Variants in SLC24A4 observed in about 807,000 individuals in gnomAD.
SLC24A4 encodes the protein solute carrier family 24 member 4.
In SLC24A4, 53 loss-of-function variants were observed where a neutral mutation model predicts 79.0. That is an observed-to-expected ratio of 0.67 (90% CI 0.54 to 0.84). SLC24A4 has a LOEUF of 0.84. Among genes scored for constraint, SLC24A4 ranks in the 40% least tolerant of loss-of-function variants. SLC24A4 has a pLI of 0.00. For synonymous variants in SLC24A4, 323 were observed against 323.8 expected (o/e 1.00, Z 0.03); for missense variants, 731 against 822.0 (o/e 0.89, Z 1.35).
intron 2 of SLC24A4, among the ~76,000 whole-genome samples, chr14:92,342,020 G>A (rs776714708): frequency 2.6e-5 from 4 of 152,196 alleles, no homozygotes; most frequent in Non-Finnish European, 4.4e-5. Flanking sequence ...CATATGTGTA[G>A]GAGGAAGAAA....
chr14:92,371,698 C>T (rs923390618), intron 2 of SLC24A4, among the ~76,000 whole-genome samples: 10 of 152,220 alleles, frequency 6.6e-5, no homozygotes, highest in Non-Finnish European at 7.3e-5. Context: ...TAACCTCACC[C>T]GTTGTGTGTC....
intron 4 of SLC24A4, among the ~76,000 whole-genome samples, chr14:92,440,639 T>C (rs1892439862): frequency 1.3e-5 from 2 of 151,876 alleles, no homozygotes; most frequent in African/African-American, 4.8e-5. Context: ...CCCCGTAGGG[T>C]TACCTGTATC....
At chr14:92,449,668 G>A (rs1044628664) in intron 10 of SLC24A4, among the ~76,000 whole-genome samples, 2 of 152,208 alleles carry the variant, frequency 1.3e-5, no homozygotes, top group Admixed American at 1.3e-4. Context: ...GAACGGCTCT[G>A]GACAAAGCAT....
In SLC24A4 at chr14:92,398,684, G is replaced by A. The variant is rs546106609; in HGVS notation, c.242-35228G>A. 2.6e-4 allele frequency among the ~76,000 whole-genome samples: 40 copies of A among 152,304 alleles called. No homozygotes were observed. The highest frequency in any genetic ancestry group is 3.9e-4 in the Admixed American group (6 of 15,296). On this transcript the variant is annotated intron_variant, in intron 2 of 16. Transcript: ENST00000532405. This position sits in a 1 kb window ranked among gnomAD's most constrained non-coding sequence, Gnocchi z 4.1. ...ACCCCTTCCTCGTGTTAGCCAAAGC[G>A]AGAAGGGGGGTTACTGTAGTTGCTT...
rs546830587 is a variant in SLC24A4 at position 92,497,308 on chromosome 14, C to T, written c.*3680C>T. Reference sequence around the variant, plus strand: ...CCTGGGCGGCCCAAGGTCCAGGTTTCTTCCACCTGCTCTTCCCTGTTTATG... The same window carrying T: ...CCTGGGCGGCCCAAGGTCCAGGTTTTTTCCACCTGCTCTTCCCTGTTTATG... On this transcript the variant is annotated 3_prime_UTR_variant, in exon 17 of 17. Transcript: ENST00000532405. The T allele has an allele frequency of 3.9e-5, 6 of 152,438 alleles. No homozygotes were observed. The South Asian group carries it at 1.2e-3, about 32-fold the overall frequency. The allele number at this position is 152,438 out of a possible 1,614,324, so 9.4% of individuals were successfully genotyped here.
chr14:92,384,313 T>C (rs1889024482), intron 2 of SLC24A4, among the ~76,000 whole-genome samples: 1 of 152,140 alleles, frequency 6.6e-6, no homozygotes, highest in Admixed American at 6.5e-5. Context: ...TGATCAAGAC[T>C]GAAGGGGAGG....
intron 11 of SLC24A4, among the ~76,000 whole-genome samples, chr14:92,455,859 G>C (rs11624023): frequency 0.39 from 58,945 of 151,762 alleles, 11,654 homozygotes; most frequent in Middle Eastern, 0.46. Flanking sequence ...TACCACCACG[G>C]CTGGCTAGTT....
At chr14:92,458,780 G>T (rs1443039963) in intron 12 of SLC24A4, among the ~76,000 whole-genome samples, 2 of 152,194 alleles carry the variant, frequency 1.3e-5, no homozygotes, top group Non-Finnish European at 2.9e-5. Context: ...CTGTGTCCAC[G>T]TGGGGCTGGG....
At chr14:92,366,236 T>G (rs1887831396) in intron 2 of SLC24A4, among the ~76,000 whole-genome samples, 1 of 152,174 alleles carries the variant, frequency 6.6e-6, no homozygotes, top group African/African-American at 2.4e-5. Context: ...AGGCCAAGCC[T>G]CTGGGAAAAT....
chr14:92,492,140 C>T (rs1895712279), intron 15 of SLC24A4, 35 bp from the exon 16 acceptor site: 1 of 1,601,080 alleles, frequency 6.2e-7, no homozygotes, highest in African/African-American at 1.4e-5. Context: ...TCTGAGCAGT[C>T]AAGAGACTCA....
chr14:92,418,453 G>T (rs1393507987), intron 2 of SLC24A4, among the ~76,000 whole-genome samples: 1 of 152,202 alleles, frequency 6.6e-6, no homozygotes, highest in East Asian at 1.9e-4. Flanking sequence ...GCCCATGGAG[G>T]TGCACACATA....
intron 2 of SLC24A4, among the ~76,000 whole-genome samples, chr14:92,349,982 C>A (rs1886778764): frequency 6.6e-6 from 1 of 152,188 alleles, no homozygotes; most frequent in African/African-American, 2.4e-5. Context: ...GCCTACCTGG[C>A]AGATATTTCA....
intron 2 of SLC24A4, among the ~76,000 whole-genome samples, chr14:92,392,299 G>T (rs1889518900): frequency 6.6e-6 from 1 of 151,592 alleles, no homozygotes; most frequent in Non-Finnish European, 1.5e-5. Flanking sequence ...TGAAAGAAAA[G>T]ACGATAGCAA....
intron 2 of SLC24A4, among the ~76,000 whole-genome samples, chr14:92,327,359 G>A (rs1362258504): frequency 6.6e-6 from 1 of 152,150 alleles, no homozygotes; most frequent in African/African-American, 2.4e-5. Context: ...TGCTCATCCT[G>A]TCATTCCCTC....
chr14:92,489,638 T>C (rs1895568998), intron 14 of SLC24A4, among the ~76,000 whole-genome samples: 1 of 152,148 alleles, frequency 6.6e-6, no homozygotes, highest in Non-Finnish European at 1.5e-5. Flanking sequence ...TCCCAAGCTG[T>C]GCCCCAGACC....
At chr14:92,355,062 A>C (rs1887099301) in intron 2 of SLC24A4, among the ~76,000 whole-genome samples, 1 of 152,210 alleles carries the variant, frequency 6.6e-6, no homozygotes, top group South Asian at 2.1e-4. Context: ...TGACAGAGAA[A>C]GACTCTATCT....
chr14:92,381,890 C>T (rs909391387), intron 2 of SLC24A4, among the ~76,000 whole-genome samples: 4 of 152,256 alleles, frequency 2.6e-5, no homozygotes, highest in East Asian at 3.9e-4. Flanking sequence ...GATTGTAAGG[C>T]GGAGAGCCCT....
chr14:92,328,194 C>A (rs1475803632), intron 2 of SLC24A4, among the ~76,000 whole-genome samples: 1 of 152,232 alleles, frequency 6.6e-6, no homozygotes. Flanking sequence ...ATCTTCCTCC[C>A]TGGCCTATGA....
chr14:92,483,852 C>T (rs1379752951), intron 13 of SLC24A4: 1 of 1,289,728 alleles, frequency 7.8e-7, no homozygotes, highest in Non-Finnish European at 1.0e-6. Context: ...ATGCCTGACA[C>T]CAGCAGCAGA....
Sources: gnomAD v4.1 joint callset for allele counts (sites outside exome capture counted in the v4.1 genomes callset) on GRCh38, gnomAD v4.1.1 for gene constraint, Gnocchi (gnomAD v3.1) non-coding constraint, MANE v1.5 for transcripts, NCBI Gene and HGNC (gene_info 2026-07-23, HGNC 2026-07-21) for gene names.